PRDM15: variants seen among roughly 807,000 people sequenced by gnomAD.
The protein encoded by PRDM15 is PR/SET domain 15.
In PRDM15, 64 loss-of-function variants were observed where a neutral mutation model predicts 128.6. The observed-to-expected ratio is 0.50, with a 90% CI of 0.41 to 0.61. PRDM15 has a LOEUF of 0.61. Among genes scored for constraint, PRDM15 ranks in the 20% least tolerant of loss-of-function variants. The probability of loss-of-function intolerance (pLI) is 0.00; values close to 1 mark genes in which losing one functional copy is unlikely to be tolerated. For synonymous variants in PRDM15, 615 were observed against 621.8 expected (o/e 0.99, Z 0.16); for missense variants, 1,242 against 1,569.1 (o/e 0.79, Z 3.52).
chr21:41,867,112 T>C (rs949863713), intron 1 of PRDM15, among the ~76,000 whole-genome samples: 1 of 151,998 alleles, frequency 6.6e-6, no homozygotes, highest in Non-Finnish European at 1.5e-5. Flanking sequence ...TGTGGGGAGA[T>C]GCCCGACACC....
At chr21:41,866,700 C>T (rs921102216) in intron 1 of PRDM15, among the ~76,000 whole-genome samples, 1 of 152,226 alleles carries the variant, frequency 6.6e-6, no homozygotes, top group African/African-American at 2.4e-5. Context: ...TCCAGATATT[C>T]GTGGGACACC....
rs2063744044 is a variant in PRDM15 at position 41,859,476 on chromosome 21, C to T, written c.131+116G>A. The T allele has an allele frequency of 1.2e-6, 1 of 837,358 alleles. No individual in the cohort carries two copies. Among genetic ancestry groups the T allele is most frequent in the African/African-American group, 1.7e-5 (1 of 58,216 alleles). The allele number at this position is 837,358 out of a possible 1,614,324, so 51.9% of individuals were successfully genotyped here. On this transcript the variant is annotated intron_variant, in intron 3 of 23. Transcript: ENST00000398548. The surrounding 1 kb of genome is among the most constrained non-coding windows in gnomAD (Gnocchi z 5.3). ...GGGAGCGGAATCGCTGGCTCTCACT[C>T]AGAGTGCCTCTGTTCTCCCTCAGGC...
rs1008829318 is a variant in PRDM15 at position 41,799,471 on chromosome 21, T to G, written c.*1769A>C. On this transcript the variant is annotated 3_prime_UTR_variant, in exon 24 of 24. Transcript: ENST00000398548. ...TAAAAGTCAAATGATCTCCCACTAT[T>G]CATTCAACTGAGAGGTGAGAGCTAG... 6.6e-6 allele frequency: 1 copy of G among 152,194 alleles called. No homozygotes were observed. The highest frequency in any genetic ancestry group is 1.5e-5 in the Non-Finnish European group (1 of 68,036). The allele number at this position is 152,194 out of a possible 1,614,324, so 9.4% of individuals were successfully genotyped here. A position where few individuals can be genotyped will look rare whatever the true frequency, so the allele number is the denominator to read the frequency against.
intron 9 of PRDM15, 104 bp downstream of exon 9, chr21:41,836,364 C>T: frequency 1.5e-6 from 2 of 1,354,558 alleles, no homozygotes; most frequent in Non-Finnish European, 2.1e-6. Context: ...ACTGGCGCAG[C>T]TCGTGGGAGA....
chr21:41,822,767 G>A (rs2062324527), intron 14 of PRDM15, among the ~76,000 whole-genome samples: 1 of 152,184 alleles, frequency 6.6e-6, no homozygotes, highest in Non-Finnish European at 1.5e-5. Context: ...GGGCATGGTG[G>A]CTCACGCCTG....
rs900329178 is a variant in PRDM15 at position 41,799,663 on chromosome 21, T to A, written c.*1577A>T. ...GGAGTGAAGTGCTGAGAAAGTTGCG[T>A]TTTGAAAAACACAATCATCCTTTGT... On this transcript the variant is annotated 3_prime_UTR_variant, in exon 24 of 24. Coordinates refer to ENST00000398548, the MANE Select transcript of PRDM15 (RefSeq NM_001040424.3). The A allele has an allele frequency of 6.6e-6, 1 of 152,310 alleles. No individual in the cohort carries two copies. Among genetic ancestry groups the A allele is most frequent in the South Asian group, 2.1e-4 (1 of 4,834 alleles). 9.4% of individuals were successfully genotyped at this position (152,310 alleles called of 1,614,324 possible). A position where few individuals can be genotyped will look rare whatever the true frequency, so the allele number is the denominator to read the frequency against.
Position 41,821,800 on chromosome 21 carries a change from C to G in PRDM15, c.1896+103G>C, listed in dbSNP as rs2062278412. 1 of 1,431,592 alleles carries G rather than the reference C, an allele frequency of 7.0e-7. No homozygotes were observed. Among genetic ancestry groups the G allele is most frequent in the Non-Finnish European group, 9.6e-7 (1 of 1,036,694 alleles). The allele number at this position is 1,431,592 out of a possible 1,614,324, so 88.7% of individuals were successfully genotyped here. The stretch of plus-strand genomic sequence containing the variant: ...CGGAGCCTTTGGGGAGGGAGGGCTG[C>G]TTCCGAGATGCATGAAGGTGCCTGC... On this transcript the variant is annotated intron_variant, in intron 15 of 23. Coordinates refer to ENST00000398548, the MANE Select transcript of PRDM15 (RefSeq NM_001040424.3). This position sits in a 1 kb window ranked among gnomAD's most constrained non-coding sequence, Gnocchi z 5.4.
rs2062564521 is a variant in PRDM15 at position 41,828,777 on chromosome 21, G to T, written c.1367-444C>A. Among the ~76,000 whole-genome samples the T allele has an allele frequency of 6.6e-6, 1 of 151,826 alleles. No individual in the cohort carries two copies. The highest frequency in any genetic ancestry group is 1.5e-5 in the Non-Finnish European group (1 of 67,938). ...AGCAACTGACCACCCGACCAATGTG[G>T]CCGCCCCTGCCCCCAGGATCCCTGG... is the stretch of plus-strand genomic sequence containing the variant. On this transcript the variant is annotated intron_variant, in intron 11 of 23. Coordinates refer to ENST00000398548, the MANE Select transcript of PRDM15 (RefSeq NM_001040424.3). This position sits in a 1 kb window ranked among gnomAD's most constrained non-coding sequence, Gnocchi z 5.7.
At chr21:41,875,729 G>A (rs2064390112) in intron 1 of PRDM15, among the ~76,000 whole-genome samples, 1 of 152,158 alleles carries the variant, frequency 6.6e-6, no homozygotes, top group South Asian at 2.1e-4. Flanking sequence ...TCACTCTATT[G>A]ATTCACCCTA....
chr21:41,821,910 C>T lies in PRDM15; in HGVS notation c.1889G>A (p.Arg630Gln), dbSNP rs760945193. The change falls in exon 15 of 24, where the codon CGG becomes CAG. Residue 630 changes from arginine to glutamine, a missense_variant. By Grantham distance (43) the Arg-to-Gln change is conservative. Transcript: ENST00000398548. This position sits in a 1 kb window ranked among gnomAD's most constrained non-coding sequence, Gnocchi z 5.4. The part of the protein sequence containing the change: ...DSEPHKYSCK[R>Q]CQLTFGRGKE... ...GGGGCAAACCCGCCATACCTGGCAC[C>T]GCTTGCAGCTGTACTTGTGAGGCTC... 2.0e-5 allele frequency: 32 copies of T among 1,614,000 alleles called. No homozygotes were observed. The highest frequency in any genetic ancestry group is 8.9e-5 in the East Asian group (4 of 44,888).
chr21:41,815,906 C>A, intron 18 of PRDM15, 70 bp from the exon 19 acceptor site: 1 of 1,588,420 alleles, frequency 6.3e-7, no homozygotes, highest in Non-Finnish European at 8.5e-7. Context: ...ATGCCCGAGA[C>A]CCTGGGGCAG....
At position 41,828,409 on chromosome 21, in the gene PRDM15, A is replaced by G. The variant is rs2062547622; in HGVS notation, c.1367-76T>C. 1.3e-6 allele frequency: 2 copies of G among 1,511,440 alleles called. No homozygotes were observed. Among genetic ancestry groups the G allele is most frequent in the Admixed American group, 3.4e-5 (2 of 59,466 alleles). The allele number at this position is 1,511,440 out of a possible 1,614,324, so 93.6% of individuals were successfully genotyped here. On this transcript the variant is annotated intron_variant, in intron 11 of 23. Coordinates refer to ENST00000398548, the MANE Select transcript of PRDM15 (RefSeq NM_001040424.3). The surrounding 1 kb of genome is among the most constrained non-coding windows in gnomAD (Gnocchi z 5.7). ...CACGCAGGCACGCACGTGTGGCCTG[A>G]ACGTCAATAAAGCGCGGGTGACGGG...
rs1300475644 is a variant in PRDM15, at chr21:41,838,008, C to T, written c.927G>A (p.Thr309=). The change falls in exon 8 of 24, where the codon ACG becomes ACA. Residue 309 remains threonine (T), a synonymous_variant. Coordinates refer to ENST00000398548, the MANE Select transcript of PRDM15 (RefSeq NM_001040424.3). ...CCAGCTCCATGATCCGCTCATCTGGCGTTGCACTCACAGGCTCATCCGGAG... is the reference window on the plus strand; with the variant it reads ...CCAGCTCCATGATCCGCTCATCTGGTGTTGCACTCACAGGCTCATCCGGAG... ...EVPPDEPVSA[T]PDERIMELVL... 7.4e-6 allele frequency: 12 copies of T among 1,614,032 alleles called. No homozygotes were observed. Among genetic ancestry groups the T allele is most frequent in the African/African-American group, 1.3e-5 (1 of 74,926 alleles).
chr21:41,854,453 TG>T lies in PRDM15; in HGVS notation c.538+112del. On this transcript the variant is annotated intron_variant, in intron 5 of 23. Coordinates refer to ENST00000398548, the MANE Select transcript of PRDM15 (RefSeq NM_001040424.3). The surrounding 1 kb of genome is among the most constrained non-coding windows in gnomAD (Gnocchi z 4.6). ...CCTCCACTCTCCGCATCCCAGCAGCTGGCCCAGCCCAACCCATCTCATCAGT... is the reference window on the plus strand; with the variant it reads ...CCTCCACTCTCCGCATCCCAGCAGCTGCCCAGCCCAACCCATCTCATCAGT... 7.3e-7 allele frequency: 1 copy of T among 1,364,366 alleles called. No individual in the cohort carries two copies. Among genetic ancestry groups the T allele is most frequent in the Non-Finnish European group, 9.9e-7 (1 of 1,008,014 alleles). The allele number at this position is 1,364,366 out of a possible 1,614,324, so 84.5% of individuals were successfully genotyped here.
intron 5 of PRDM15, among the ~76,000 whole-genome samples, chr21:41,853,172 G>A (rs1159878581): frequency 6.6e-6 from 1 of 152,202 alleles, no homozygotes; most frequent in Non-Finnish European, 1.5e-5. Context: ...TGTTTTATGG[G>A]GGCAGCGCAG....
chr21:41,852,044 G>A (rs7283921), intron 5 of PRDM15, among the ~76,000 whole-genome samples: 8,014 of 152,212 alleles, frequency 0.053, 675 homozygotes, highest in African/African-American at 0.18. Context: ...TAGGATCTCC[G>A]AAATCAGAGG....
Position 41,857,288 on chromosome 21 carries a change from T to C in PRDM15, c.173A>G (p.Asp58Gly), listed in dbSNP as rs1456945817. The change falls in exon 4 of 24, where the codon GAT becomes GGT. Residue 58 changes from aspartate to glycine, a missense_variant. Physicochemically the swap from Asp to Gly is moderately conservative, Grantham distance 94. This residue lies in a region of PRDM15 where 612 missense variants were observed against 717.0 expected (regional missense o/e 0.85). Coordinates refer to ENST00000398548, the MANE Select transcript of PRDM15 (RefSeq NM_001040424.3). ...GATGGCGAACACCCCCTCGGCTCCA[T>C]CTTCCAGTCGTCTGATCTCCAAGTT... ...PPNLEIRRLE[D>G]GAEGVFAITQ... is the part of the protein sequence containing the mutation. 2 of 1,613,912 alleles carry C rather than the reference T, an allele frequency of 1.2e-6. No homozygotes were observed. The highest frequency in any genetic ancestry group is 2.2e-5 in the East Asian group (1 of 44,884).
intron 18 of PRDM15, among the ~76,000 whole-genome samples, chr21:41,816,783 GCA>G (rs2062068602): frequency 6.6e-6 from 1 of 152,164 alleles, no homozygotes; most frequent in African/African-American, 2.4e-5. Flanking sequence ...CCCGCTGCCT[GCA>G]CACACAGCTG....
chr21:41,817,278 C>T (rs1433857657), intron 18 of PRDM15, among the ~76,000 whole-genome samples: 2 of 152,190 alleles, frequency 1.3e-5, no homozygotes, highest in Admixed American at 1.3e-4. Flanking sequence ...TTTTTTATAG[C>T]TTTCAATACC....
Sources: gnomAD v4.1 joint callset for allele counts (sites outside exome capture counted in the v4.1 genomes callset) on GRCh38, gnomAD v4.1.1 for gene constraint, gnomAD v4.1.1 regional missense constraint, Gnocchi (gnomAD v3.1) non-coding constraint, MANE v1.5 for transcripts, NCBI Gene and HGNC (gene_info 2026-07-23, HGNC 2026-07-21) for gene names.